The following PLPP1 variants were observed in gnomAD, a reference collection of about 807,000 sequenced individuals.
PLPP1 encodes phospholipid phosphatase 1.
Under a neutral mutation model 31.2 loss-of-function variants are expected in PLPP1, and 24 were observed. The ratio of observed to expected loss-of-function variants is 0.77; its 90% confidence interval spans 0.56 to 1.08. The LOEUF (loss-of-function observed/expected upper bound fraction) is 1.08. Among genes scored for constraint, PLPP1 ranks in the 50% least tolerant of loss-of-function variants. The pLI, the probability that PLPP1 is intolerant of heterozygous loss-of-function variation, is 0.00. For synonymous variants in PLPP1, 146 were observed against 126.3 expected (o/e 1.16, Z -1.05); for missense variants, 319 against 342.7 (o/e 0.93, Z 0.55).
chr5:55,512,134 T>C (rs532479310), intron 1 of PLPP1, among the ~76,000 whole-genome samples: 1 of 143,274 alleles, frequency 7.0e-6, no homozygotes, highest in Non-Finnish European at 1.5e-5. Context: ...CTCGAAAAAA[T>C]AAAAAGGAAA....
chr5:55,482,380 T>A (rs996618124), intron 1 of PLPP1, among the ~76,000 whole-genome samples: 1 of 152,144 alleles, frequency 6.6e-6, no homozygotes, highest in Non-Finnish European at 1.5e-5. Context: ...GTAGTCATTA[T>A]CAAACATAAA....
intron 1 of PLPP1, among the ~76,000 whole-genome samples, chr5:55,519,669 G>C (rs1193771474): frequency 6.6e-6 from 1 of 151,266 alleles, no homozygotes; most frequent in African/African-American, 2.4e-5. Context: ...AGAATCACTT[G>C]AACCAGGGAG....
chr5:55,431,685 T>TAA (rs1030154903), intron 4 of PLPP1, among the ~76,000 whole-genome samples: 1 of 152,004 alleles, frequency 6.6e-6, no homozygotes, highest in Non-Finnish European at 1.5e-5. Context: ...GTAAATAATC[T>TAA]AACAATGCAA....
At chr5:55,525,463 A>T (rs1740394595) in intron 1 of PLPP1, among the ~76,000 whole-genome samples, 1 of 152,160 alleles carries the variant, frequency 6.6e-6, no homozygotes, top group Non-Finnish European at 1.5e-5. Flanking sequence ...AGTTTTTCAT[A>T]GCTTATAAGG....
rs3070044 is a variant in PLPP1 at position 55,477,396 on chromosome 5, C to CTTTT, written c.59-1950_59-1947dup. ...AGAACCACTACTTCTTTTTTCTTTT[C>CTTTT]TTTTTTTTTTTTTTTGAGATGGTGT... On this transcript the variant is annotated intron_variant, in intron 1 of 5. Coordinates refer to ENST00000307259, the MANE Select transcript of PLPP1 (RefSeq NM_003711.4). 4.9e-4 allele frequency among the ~76,000 whole-genome samples: 65 copies of CTTTT among 133,300 alleles called. 2 individuals carry two copies. Among genetic ancestry groups the CTTTT allele is most frequent in the Middle Eastern group, 3.9e-3 (1 of 254 alleles). The allele number at this position is 133,300 out of a possible 152,430, so 87.4% of individuals were successfully genotyped here.
In PLPP1 at chr5:55,504,507, A is replaced by G. The variant is rs1374955047; in HGVS notation, c.59-29057T>C. ...GCCACTCCACTCCAGTCTGGGAGAC[A>G]GAGCAAGACTCCATCTCAAAAAAAA... On this transcript the variant is annotated intron_variant, in intron 1 of 5. Coordinates refer to ENST00000307259, the MANE Select transcript of PLPP1 (RefSeq NM_003711.4). 3.0e-5 allele frequency among the ~76,000 whole-genome samples: 4 copies of G among 132,164 alleles called. 1 individual carries two copies. The highest frequency in any genetic ancestry group is 5.5e-4 in the South Asian group (2 of 3,612). 86.7% of individuals were successfully genotyped at this position (132,164 alleles called of 152,430 possible).
chr5:55,493,824 G>A (rs2111860601), intron 1 of PLPP1, among the ~76,000 whole-genome samples: 1 of 151,122 alleles, frequency 6.6e-6, no homozygotes, highest in African/African-American at 2.4e-5. Flanking sequence ...AGATTGCAGT[G>A]AGCTGAGATC....
chr5:55,493,858 C>T (rs1222489164), intron 1 of PLPP1, among the ~76,000 whole-genome samples: 9 of 145,436 alleles, frequency 6.2e-5, no homozygotes, highest in Middle Eastern at 3.7e-3. Context: ...CCAGCCTGGG[C>T]GACAGAGCGA....
intron 4 of PLPP1, among the ~76,000 whole-genome samples, chr5:55,433,906 G>A (rs1751428817): frequency 6.6e-6 from 1 of 152,012 alleles, no homozygotes; most frequent in African/African-American, 2.4e-5. Context: ...GGAGGCCGAG[G>A]CAGGTGGATC....
At chr5:55,506,949 G>C (rs966211625) in intron 1 of PLPP1, among the ~76,000 whole-genome samples, 4 of 152,018 alleles carry the variant, frequency 2.6e-5, no homozygotes, top group Non-Finnish European at 4.4e-5. Flanking sequence ...AATTCAGTTT[G>C]GACAAAATAC....
chr5:55,494,400 C>G (rs1041624018), intron 1 of PLPP1, among the ~76,000 whole-genome samples: 1 of 152,062 alleles, frequency 6.6e-6, no homozygotes, highest in African/African-American at 2.4e-5. Flanking sequence ...ATATGAAGAA[C>G]GAAAGTTCCA....
chr5:55,427,911 G>A (rs182721752), intron 4 of PLPP1, among the ~76,000 whole-genome samples: 38 of 151,942 alleles, frequency 2.5e-4, no homozygotes, highest in South Asian at 1.0e-3. Flanking sequence ...TCAGCCTCCC[G>A]AGTAGCTGGG....
chr5:55,498,963 TGA>T (rs10542030), intron 1 of PLPP1, among the ~76,000 whole-genome samples: 118,807 of 151,406 alleles, frequency 0.78, 47,534 homozygotes, highest in Middle Eastern at 0.88. Context: ...GTAGAAGCAC[TGA>T]GCTCTCAGCA....
chr5:55,506,263 T>TAAA lies in PLPP1; in HGVS notation c.58+28306_58+28308dup, dbSNP rs201809819. Among the ~76,000 whole-genome samples, 20 of 128,540 alleles carry TAAA rather than the reference T, an allele frequency of 1.6e-4. 1 individual carries two copies. Among genetic ancestry groups the TAAA allele is most frequent in the African/African-American group, 4.1e-4 (14 of 34,028 alleles). 84.3% of individuals were successfully genotyped at this position (128,540 alleles called of 152,430 possible). ...AGAAGACACAAATACAGCAAATTAC[T>TAAA]AAAAAAAAAAAAAAAAGGCACTAAT... On this transcript the variant is annotated intron_variant, in intron 1 of 5. Transcript: ENST00000307259.
chr5:55,449,958 A>G (rs1751857871), intron 3 of PLPP1, among the ~76,000 whole-genome samples: 2 of 151,474 alleles, frequency 1.3e-5, no homozygotes, highest in Non-Finnish European at 3.0e-5. Context: ...AAAATTAACT[A>G]AAATATAATA....
At chr5:55,463,678 T>A (rs1446881671) in intron 3 of PLPP1, among the ~76,000 whole-genome samples, 1 of 151,684 alleles carries the variant, frequency 6.6e-6, no homozygotes, top group Non-Finnish European at 1.5e-5. Flanking sequence ...TGGTGGCTCA[T>A]GTTTATAATC....
intron 4 of PLPP1, among the ~76,000 whole-genome samples, chr5:55,439,929 G>C (rs1420405369): frequency 6.6e-6 from 1 of 152,088 alleles, no homozygotes; most frequent in Non-Finnish European, 1.5e-5. Context: ...CAAAATAAAT[G>C]GACTAGGGTT....
chr5:55,495,736 T>TACACAC (rs139449145), intron 1 of PLPP1, among the ~76,000 whole-genome samples: 3 of 150,936 alleles, frequency 2.0e-5, no homozygotes, highest in African/African-American at 7.3e-5. Flanking sequence ...TCATATGTAT[T>TACACAC]ACACACACAC....
chr5:55,521,664 TAC>T (rs1461045139), intron 1 of PLPP1, among the ~76,000 whole-genome samples: 1 of 152,200 alleles, frequency 6.6e-6, no homozygotes, highest in African/African-American at 2.4e-5. Context: ...AATAACATTA[TAC>T]AGTTTTATCA....
Sources: allele counts gnomAD v4.1 joint callset (sites outside exome capture counted in the v4.1 genomes callset), GRCh38; gene constraint gnomAD v4.1.1; transcripts MANE v1.5; gene names NCBI Gene and HGNC (gene_info 2026-07-23, HGNC 2026-07-21).